Variants in MAN2A1 observed in about 807,000 individuals in gnomAD.
The protein encoded by MAN2A1 is alpha-mannosidase 2.
Under a neutral mutation model 142.6 loss-of-function variants are expected in MAN2A1, and 76 were observed. The ratio of observed to expected loss-of-function variants is 0.53; its 90% confidence interval spans 0.44 to 0.65. The LOEUF (loss-of-function observed/expected upper bound fraction) is 0.65, where lower values mean the gene tolerates loss of function less well. Ranked by LOEUF, MAN2A1 falls within the 30% of genes least tolerant of loss-of-function variation. The pLI is 0.00. For missense variants in MAN2A1, 1,311 were observed against 1,365.1 expected (o/e 0.96, Z 0.62); for synonymous variants, 559 against 473.2 (o/e 1.18, Z -2.35).
At chr5:109,691,039 C>G (rs1236902825) in intron 1 of MAN2A1, among the ~76,000 whole-genome samples, 3 of 152,142 alleles carry the variant, frequency 2.0e-5, no homozygotes, top group Non-Finnish European at 4.4e-5. Context: ...TTCCCCGCTG[C>G]CTCTGAAGAG....
chr5:109,752,214 A>G (rs1561493520), intron 4 of MAN2A1, among the ~76,000 whole-genome samples: 1 of 152,142 alleles, frequency 6.6e-6, no homozygotes. Flanking sequence ...ATATTTCATA[A>G]TTACTACTAC....
At chr5:109,799,722 C>G (rs1239307892) in intron 12 of MAN2A1, among the ~76,000 whole-genome samples, 1 of 151,410 alleles carries the variant, frequency 6.6e-6, no homozygotes, top group African/African-American at 2.4e-5. Flanking sequence ...CCATGGCACT[C>G]CAGCCTAGGC....
At position 109,822,039 on chromosome 5, in the gene MAN2A1, T is replaced by G. The variant is rs552219100; in HGVS notation, c.2452-1684T>G. ...CTATCTCCTGAAAAAGTTACTTTTG[T>G]TCCACAAGTTATGAAACCTGCTAAC... is the stretch of plus-strand genomic sequence containing the variant. On this transcript the variant is annotated intron_variant, in intron 15 of 21. Coordinates refer to ENST00000261483, the MANE Select transcript of MAN2A1 (RefSeq NM_002372.4). Among the ~76,000 whole-genome samples, 5 of 152,172 alleles carry G rather than the reference T, an allele frequency of 3.3e-5. No individual in the cohort carries two copies. The South Asian group carries it at 1.0e-3, about 32-fold the overall frequency.
chr5:109,858,037 C>G (rs764712208), intron 20 of MAN2A1, among the ~76,000 whole-genome samples: 6 of 152,234 alleles, frequency 3.9e-5, no homozygotes, highest in Non-Finnish European at 7.3e-5. Context: ...CCTAATGACA[C>G]TTACTCCAAC....
chr5:109,758,067 G>A (rs1294283105), intron 5 of MAN2A1, among the ~76,000 whole-genome samples: 1 of 152,064 alleles, frequency 6.6e-6, no homozygotes, highest in Non-Finnish European at 1.5e-5. Context: ...TGAGTTATAT[G>A]GTAAAAATGT....
intron 17 of MAN2A1, 42 bp from the exon 18 acceptor site, chr5:109,845,823 G>A: frequency 4.5e-6 from 7 of 1,551,158 alleles, no homozygotes; most frequent in Non-Finnish European, 5.2e-6. Context: ...AAGAACATAT[G>A]TAAATATCAC....
chr5:109,757,446 C>T (rs1159590351), intron 5 of MAN2A1, among the ~76,000 whole-genome samples: 2 of 152,170 alleles, frequency 1.3e-5, no homozygotes, highest in Non-Finnish European at 2.9e-5. Context: ...TTTCCACTTG[C>T]AGCCAACTGC....
chr5:109,719,958 C>T lies in MAN2A1; in HGVS notation c.535+3694C>T, dbSNP rs1751556177. Among the ~76,000 whole-genome samples, 4 of 152,196 alleles carry T rather than the reference C, an allele frequency of 2.6e-5. No homozygotes were observed. In the South Asian group the frequency reaches 8.3e-4, roughly 32 times the overall value. Reference sequence around the variant, plus strand: ...TGAAGTAAATGCTGATAACTTTGTACTGTTATGCTTTTGAAAGTTTTGAAT... The same window carrying T: ...TGAAGTAAATGCTGATAACTTTGTATTGTTATGCTTTTGAAAGTTTTGAAT... On this transcript the variant is annotated intron_variant, in intron 3 of 21. Transcript: ENST00000261483.
chr5:109,855,276 T>C lies in MAN2A1; in HGVS notation c.3113T>C (p.Leu1038Ser), dbSNP rs1755579938. The C allele has an allele frequency of 6.2e-7, 1 of 1,604,830 alleles. No individual in the cohort carries two copies. Among genetic ancestry groups the C allele is most frequent in the Non-Finnish European group, 8.5e-7 (1 of 1,176,976 alleles). Residue 1038 changes from leucine to serine, a missense_variant, in exon 20 of 22, where the codon TTA (leucine) becomes TCA (serine). Transcript: ENST00000261483. ...TLELQGEFSP[L>S]QSSLPCDIHL... ...GAGCTGCAAGGTGAATTCTCTCCAT[T>C]ACAGTCATCTTTGCCTTGTGACATT... is the stretch of plus-strand genomic sequence containing the variant.
intron 4 of MAN2A1, among the ~76,000 whole-genome samples, chr5:109,752,970 TTAAAAC>T (rs1752587803): frequency 6.6e-6 from 1 of 152,178 alleles, no homozygotes; most frequent in Non-Finnish European, 1.5e-5. Flanking sequence ...ATGTTGTAAA[TTAAAAC>T]TAATATAGAT....
chr5:109,801,166 A>G (rs910218833), intron 12 of MAN2A1, among the ~76,000 whole-genome samples: 1 of 152,210 alleles, frequency 6.6e-6, no homozygotes, highest in South Asian at 2.1e-4. Flanking sequence ...GTTAGGGCTC[A>G]TGATGGGTTC....
At position 109,867,038 on chromosome 5, in the gene MAN2A1, A is replaced by G. The variant is rs571395793; in HGVS notation, c.*40A>G. The stretch of plus-strand genomic sequence containing the variant: ...TTTGGATTGAGAATCATTGGCTTTT[A>G]TACCTTTCTTGGTTTGACGTGCAAT... On this transcript the variant is annotated 3_prime_UTR_variant, in exon 22 of 22. Transcript: ENST00000261483. The G allele has an allele frequency of 2.5e-6, 4 of 1,571,672 alleles. No homozygotes were observed. The highest frequency in any genetic ancestry group is 3.5e-6 in the Non-Finnish European group (4 of 1,154,834).
At chr5:109,850,650 T>A (rs1755460296) in intron 19 of MAN2A1, among the ~76,000 whole-genome samples, 1 of 152,214 alleles carries the variant, frequency 6.6e-6, no homozygotes, top group Non-Finnish European at 1.5e-5. Context: ...TTCTCGCTTA[T>A]ATGACTTTAT....
At position 109,731,403 on chromosome 5, in the gene MAN2A1, C is replaced by T. The variant is rs956148858; in HGVS notation, c.707+1890C>T. Among the ~76,000 whole-genome samples the T allele has an allele frequency of 7.9e-5, 12 of 150,978 alleles. 1 individual carries two copies. The highest frequency in any genetic ancestry group is 2.6e-4 in the Admixed American group (4 of 15,158). On this transcript the variant is annotated intron_variant, in intron 4 of 21. Transcript: ENST00000261483. ...TACTTTAAGTTTTAGGGTACATGTG[C>T]ACAATGTTCAGGTTAGTTACATATG... is the stretch of plus-strand genomic sequence containing the variant.
At chr5:109,861,432 A>G (rs1002159855) in intron 20 of MAN2A1, among the ~76,000 whole-genome samples, 8 of 152,208 alleles carry the variant, frequency 5.3e-5, no homozygotes, top group African/African-American at 1.4e-4. Context: ...AGTTTTTGCT[A>G]TTAAAAGTAA....
In MAN2A1 at chr5:109,833,539, G is replaced by A. The variant is rs1047249724; in HGVS notation, c.2567-8789G>A. Among the ~76,000 whole-genome samples the A allele has an allele frequency of 5.3e-5, 8 of 152,104 alleles. No individual in the cohort carries two copies. The South Asian group carries it at 8.3e-4, about 16-fold the overall frequency. ...CCGAAAACCAGTCAGGCGTGGAGGC[G>A]TGCGCCTGCAATCCCAGGCACTCGG... is the stretch of plus-strand genomic sequence containing the variant. On this transcript the variant is annotated intron_variant, in intron 16 of 21. Transcript: ENST00000261483.
chr5:109,856,698 A>G (rs1483142844), intron 20 of MAN2A1, among the ~76,000 whole-genome samples: 2 of 152,200 alleles, frequency 1.3e-5, no homozygotes, highest in Non-Finnish European at 2.9e-5. Context: ...TTTCCTTCAG[A>G]GATAAGGAAC....
chr5:109,845,646 C>G (rs1199097492), intron 17 of MAN2A1, among the ~76,000 whole-genome samples: 17 of 152,138 alleles, frequency 1.1e-4, no homozygotes, highest in Admixed American at 1.0e-3. Context: ...AAAATCTGGA[C>G]AAGTTCTACC....
At chr5:109,799,206 G>A (rs1031497278) in intron 12 of MAN2A1, among the ~76,000 whole-genome samples, 1 of 152,108 alleles carries the variant, frequency 6.6e-6, no homozygotes, top group Admixed American at 6.5e-5. Context: ...ACTAATATTA[G>A]CAATGATGTA....
Sources: allele counts gnomAD v4.1 joint callset (sites outside exome capture counted in the v4.1 genomes callset), GRCh38; gene constraint gnomAD v4.1.1; transcripts MANE v1.5; gene names NCBI Gene and HGNC (gene_info 2026-07-23, HGNC 2026-07-21).